Variants in AOPEP observed in about 807,000 individuals in gnomAD.
The protein encoded by AOPEP is aminopeptidase O (putative).
In AOPEP, 77 loss-of-function variants were observed where a neutral mutation model predicts 98.1. The observed-to-expected ratio is 0.78, with a 90% confidence interval of 0.65 to 0.95. The LOEUF is 0.95. Ranked by LOEUF, AOPEP falls within the 40% of genes least tolerant of loss-of-function variation. The pLI is 0.00. For synonymous variants in AOPEP, 346 were observed against 365.3 expected (o/e 0.95, Z 0.60); for missense variants, 1,024 against 1,024.7 (o/e 1.00, Z 0.01).
chr9:94,838,550 A>C (rs1477290904), intron 5 of AOPEP, among the ~76,000 whole-genome samples: 3 of 152,170 alleles, frequency 2.0e-5, no homozygotes, highest in African/African-American at 7.2e-5. Flanking sequence ...TTGTTCTTTT[A>C]AAAATTGTTT....
chr9:95,106,047 T>C, the AOPEP span, among the ~76,000 whole-genome samples: 17 of 152,218 alleles, frequency 1.1e-4, no homozygotes, highest in African/African-American at 4.1e-4. Flanking sequence ...CACCCCATTC[T>C]TCTCCACAGT....
At chr9:94,876,770 T>C (rs1480149940) in intron 5 of AOPEP, among the ~76,000 whole-genome samples, 1 of 152,160 alleles carries the variant, frequency 6.6e-6, no homozygotes, top group Non-Finnish European at 1.5e-5. Flanking sequence ...AGGGGAGAGA[T>C]ACTCAGTTTT....
At chr9:95,084,078 A>G (rs2070267799) in intron 16 of AOPEP, among the ~76,000 whole-genome samples, 2 of 152,084 alleles carry the variant, frequency 1.3e-5, no homozygotes, top group Admixed American at 6.5e-5. Flanking sequence ...AGTGTTTTAT[A>G]TGATATTAAT....
At chr9:94,865,736 T>G (rs944983454) in intron 5 of AOPEP, among the ~76,000 whole-genome samples, 1 of 152,216 alleles carries the variant, frequency 6.6e-6, no homozygotes, top group Non-Finnish European at 1.5e-5. Flanking sequence ...CTGCATATGT[T>G]TAGAGACTAT....
At chr9:94,780,806 C>T (rs993104537) in intron 3 of AOPEP, among the ~76,000 whole-genome samples, 3 of 152,174 alleles carry the variant, frequency 2.0e-5, no homozygotes, top group Non-Finnish European at 2.9e-5. Flanking sequence ...TGGCAAAGCG[C>T]GACCCAGCAA....
At chr9:95,073,590 C>T (rs1485471606) in intron 14 of AOPEP, among the ~76,000 whole-genome samples, 2 of 152,170 alleles carry the variant, frequency 1.3e-5, no homozygotes, top group Non-Finnish European at 2.9e-5. Context: ...GGCGCGGTGG[C>T]TCACACCTGT....
chr9:94,826,911 AGTCATT>A (rs1318576447), intron 5 of AOPEP, among the ~76,000 whole-genome samples: 1 of 152,180 alleles, frequency 6.6e-6, no homozygotes, highest in Non-Finnish European at 1.5e-5. Flanking sequence ...TGTTTGCACA[AGTCATT>A]GTTCATCTTT....
chr9:94,986,147 T>C (rs1364122092), intron 11 of AOPEP, among the ~76,000 whole-genome samples: 1 of 152,118 alleles, frequency 6.6e-6, no homozygotes, highest in Non-Finnish European at 1.5e-5. Flanking sequence ...ACAGCGTTGG[T>C]TTCTGGTGAG....
At chr9:95,112,793 C>T in the AOPEP span, among the ~76,000 whole-genome samples, 4 of 152,252 alleles carry the variant, frequency 2.6e-5, no homozygotes, top group Non-Finnish European at 5.9e-5. Context: ...ATGTGGCCAC[C>T]TGAAAGGTAT....
At chr9:94,894,294 A>G (rs1386895369) in intron 5 of AOPEP, among the ~76,000 whole-genome samples, 1 of 152,220 alleles carries the variant, frequency 6.6e-6, no homozygotes. Context: ...CAAAACCAAT[A>G]AAACAGAGAT....
intron 9 of AOPEP, among the ~76,000 whole-genome samples, chr9:94,960,748 C>G (rs1006110004): frequency 6.6e-6 from 1 of 151,960 alleles, no homozygotes; most frequent in African/African-American, 2.4e-5. Flanking sequence ...TGCGGTGGCT[C>G]ACGCCTGTAA....
At chr9:94,766,401 G>C (rs891880198) in intron 2 of AOPEP, among the ~76,000 whole-genome samples, 1 of 152,214 alleles carries the variant, frequency 6.6e-6, no homozygotes, top group Non-Finnish European at 1.5e-5. Flanking sequence ...GCCGGGCGTG[G>C]TGGCGGGCGC....
chr9:94,791,904 T>G (rs760795089), intron 3 of AOPEP, among the ~76,000 whole-genome samples: 1 of 152,246 alleles, frequency 6.6e-6, no homozygotes, highest in Non-Finnish European at 1.5e-5. Flanking sequence ...AATATACCAT[T>G]GTTAAATCAG....
intron 5 of AOPEP, among the ~76,000 whole-genome samples, chr9:94,848,472 AATT>A (rs1381668655): frequency 6.6e-6 from 1 of 150,614 alleles, no homozygotes; most frequent in Non-Finnish European, 1.5e-5. Flanking sequence ...AAAAAAAAAA[AATT>A]AGCCAGGCAT....
At chr9:94,960,877 T>TG (rs1181848793) in intron 9 of AOPEP, among the ~76,000 whole-genome samples, 1 of 151,932 alleles carries the variant, frequency 6.6e-6, no homozygotes, top group African/African-American at 2.4e-5. Flanking sequence ...CCGGGCGCGG[T>TG]GGGGGGCGCC....
At chr9:95,069,444 C>T (rs754050520) in intron 14 of AOPEP, among the ~76,000 whole-genome samples, 1 of 149,358 alleles carries the variant, frequency 6.7e-6, no homozygotes, top group Non-Finnish European at 1.5e-5. Flanking sequence ...TTCAGAATTA[C>T]ATATTGAGAT....
At chr9:94,853,071 A>G in intron 5 of AOPEP, among the ~76,000 whole-genome samples, 1 of 152,232 alleles carries the variant, frequency 6.6e-6, no homozygotes, top group Middle Eastern at 3.2e-3. Flanking sequence ...AGAAATGTAT[A>G]TGTTGTGGAT....
At chr9:94,759,493 C>G (rs1424862667) in intron 1 of AOPEP, among the ~76,000 whole-genome samples, 156 bp from the exon 2 acceptor site, 1 of 152,180 alleles carries the variant, frequency 6.6e-6, no homozygotes, top group East Asian at 1.9e-4. Flanking sequence ...AGCTTTCTTT[C>G]ATGTCAGTAG....
chr9:95,073,381 T>C (rs186922787), intron 14 of AOPEP, among the ~76,000 whole-genome samples: 123 of 151,844 alleles, frequency 8.1e-4, no homozygotes, highest in African/African-American at 2.7e-3. Flanking sequence ...GTATGTAGGT[T>C]TTCACACTGT....
Sources: allele counts gnomAD v4.1 joint callset (sites outside exome capture counted in the v4.1 genomes callset), GRCh38; gene constraint gnomAD v4.1.1; transcripts MANE v1.5; gene names NCBI Gene and HGNC (gene_info 2026-07-23, HGNC 2026-07-21).